The following CACNA2D3 variants were observed in gnomAD, a reference collection of about 807,000 sequenced individuals.
CACNA2D3 encodes calcium voltage-gated channel auxiliary subunit alpha2delta 3.
CACNA2D3 carries 60 observed loss-of-function variants against 160.6 expected under a neutral mutation model. The ratio of observed to expected loss-of-function variants is 0.37; its 90% CI spans 0.30 to 0.46. The LOEUF (loss-of-function observed/expected upper bound fraction) is 0.46, where lower values mean the gene tolerates loss of function less well. Among genes scored for constraint, CACNA2D3 ranks in the 20% least tolerant of loss-of-function variants. CACNA2D3 has a pLI of 1.00. For synonymous variants in CACNA2D3, 558 were observed against 492.9 expected (o/e 1.13, Z -1.75); for missense variants, 1,205 against 1,365.0 (o/e 0.88, Z 1.85).
intron 3 of CACNA2D3, among the ~76,000 whole-genome samples, chr3:54,327,428 G>T (rs899527763): frequency 6.6e-6 from 1 of 152,158 alleles, no homozygotes; most frequent in Non-Finnish European, 1.5e-5. Flanking sequence ...GCTTATTCTG[G>T]GGGTGTTGGC....
intron 4 of CACNA2D3, among the ~76,000 whole-genome samples, chr3:54,495,897 C>T (rs946532346): frequency 3.3e-5 from 5 of 152,176 alleles, no homozygotes; most frequent in Middle Eastern, 3.2e-3. Flanking sequence ...ATTAGAACTT[C>T]GTATGTATGA....
chr3:54,692,135 A>G (rs1700584009), intron 11 of CACNA2D3, among the ~76,000 whole-genome samples: 1 of 152,002 alleles, frequency 6.6e-6, no homozygotes, highest in African/African-American at 2.4e-5. Flanking sequence ...CACCATGCCC[A>G]GCTAATTTTT....
At chr3:54,336,063 A>G (rs1234355696) in intron 3 of CACNA2D3, among the ~76,000 whole-genome samples, 1 of 150,790 alleles carries the variant, frequency 6.6e-6, no homozygotes, top group African/African-American at 2.4e-5. Context: ...TTCCAACACT[A>G]CTATATCTCA....
intron 27 of CACNA2D3, among the ~76,000 whole-genome samples, chr3:54,966,333 G>A (rs1254598285): frequency 6.6e-6 from 1 of 152,174 alleles, no homozygotes; most frequent in East Asian, 1.9e-4. Context: ...TATTTGAAAT[G>A]CAGTCAACTA....
intron 27 of CACNA2D3, chr3:54,901,213 AG>A (rs1183350703): frequency 7.9e-5 from 12 of 152,320 alleles, no homozygotes; most frequent in Non-Finnish European, 1.6e-4. Context: ...CCGGGAGCTG[AG>A]GCCACATGCA....
chr3:54,176,322 G>T (rs991974122), intron 2 of CACNA2D3, among the ~76,000 whole-genome samples: 1 of 152,180 alleles, frequency 6.6e-6, no homozygotes, highest in Non-Finnish European at 1.5e-5. Flanking sequence ...GTTTAAGGAA[G>T]AAACAGTTCT....
Position 54,478,660 on chromosome 3 carries a change from G to GTGTATATATA in CACNA2D3, c.382-24831_382-24830insGTATATATAT. Among the ~76,000 whole-genome samples, 29 of 36,382 alleles carry GTGTATATATA rather than the reference G, an allele frequency of 8.0e-4. 3 individuals are homozygous for GTGTATATATA. The highest frequency in any genetic ancestry group is 2.1e-3 in the African/African-American group (29 of 13,874). 23.9% of individuals were successfully genotyped at this position (36,382 alleles called of 152,430 possible). A position where few individuals can be genotyped will look rare whatever the true frequency, so the allele number is the denominator to read the frequency against. ...AAAATATATATATAAATATGTGTGTGTATATATATATATATATATTGCTTG... is the reference window on the plus strand; with the variant it reads ...AAAATATATATATAAATATGTGTGTGTGTATATATATATATATATATATATATATTGCTTG... On this transcript the variant is annotated intron_variant, in intron 4 of 37. Transcript: ENST00000474759.
chr3:54,484,548 T>G (rs1445197411), intron 4 of CACNA2D3, among the ~76,000 whole-genome samples: 3 of 152,182 alleles, frequency 2.0e-5, no homozygotes, highest in Admixed American at 1.3e-4. Flanking sequence ...TTCCCCTAAT[T>G]AACATCCTGT....
At chr3:54,809,081 G>A (rs187702814) in intron 13 of CACNA2D3, among the ~76,000 whole-genome samples, 446 of 152,124 alleles carry the variant, frequency 2.9e-3, no homozygotes, top group Admixed American at 4.4e-3. Flanking sequence ...GTTCAGAGAC[G>A]CTATATTGTT....
At chr3:54,806,901 A>G (rs564800004) in intron 13 of CACNA2D3, among the ~76,000 whole-genome samples, 4 of 152,222 alleles carry the variant, frequency 2.6e-5, no homozygotes, top group Non-Finnish European at 4.4e-5. Context: ...ATAATGCTGC[A>G]TATCTACAAC....
rs146530468 is a variant in CACNA2D3, at chr3:54,485,597, C to T, written c.382-17895C>T. Among the ~76,000 whole-genome samples the T allele has an allele frequency of 2.6e-3, 401 of 151,370 alleles. 3 individuals are homozygous for T. Among genetic ancestry groups the T allele is most frequent in the African/African-American group, 9.5e-3 (392 of 41,250 alleles). On this transcript the variant is annotated intron_variant, in intron 4 of 37. Transcript: ENST00000474759. The stretch of plus-strand genomic sequence containing the variant: ...TTTTTTTTTTTTGAGACAGAGTTGC[C>T]CTGTCATCCAGGCTGGAGTGCAGTT...
intron 4 of CACNA2D3, among the ~76,000 whole-genome samples, chr3:54,416,791 A>G (rs548955974): frequency 6.6e-6 from 1 of 152,350 alleles, no homozygotes; most frequent in East Asian, 1.9e-4. Context: ...ATATAACTAT[A>G]CAATTAATTA....
intron 5 of CACNA2D3, among the ~76,000 whole-genome samples, chr3:54,533,096 C>T (rs1407371983): frequency 6.6e-6 from 1 of 152,140 alleles, no homozygotes; most frequent in African/African-American, 2.4e-5. Flanking sequence ...ACTTGCCCTC[C>T]TACCTGCCTG....
intron 34 of CACNA2D3, among the ~76,000 whole-genome samples, chr3:55,010,879 C>G (rs75604084): frequency 0.037 from 5,663 of 152,304 alleles, 159 homozygotes; most frequent in Middle Eastern, 0.085. Context: ...GTGTTTTACA[C>G]TAACCTAGAA....
chr3:54,512,749 C>T (rs1285695273), intron 5 of CACNA2D3, among the ~76,000 whole-genome samples: 3 of 152,132 alleles, frequency 2.0e-5, no homozygotes, highest in African/African-American at 7.2e-5. Context: ...CACTTTGCTC[C>T]CAGGAAGCTT....
intron 3 of CACNA2D3, among the ~76,000 whole-genome samples, chr3:54,362,312 G>A (rs1355233402): frequency 6.6e-6 from 1 of 152,162 alleles, no homozygotes; most frequent in Non-Finnish European, 1.5e-5. Flanking sequence ...ATAGGACTGG[G>A]GTCCCCATTT....
intron 10 of CACNA2D3, among the ~76,000 whole-genome samples, chr3:54,631,362 T>C (rs17054233): frequency 0.012 from 1,794 of 152,312 alleles, 114 homozygotes; most frequent in Admixed American, 0.1. Flanking sequence ...AGCTTTTAAA[T>C]AGCTAAACTC....
chr3:54,441,564 G>A (rs1243052568), intron 4 of CACNA2D3, among the ~76,000 whole-genome samples: 1 of 152,188 alleles, frequency 6.6e-6, no homozygotes, highest in Non-Finnish European at 1.5e-5. Flanking sequence ...CCTTGCCCAT[G>A]CCTATGTCCT....
chr3:54,578,509 G>T (rs985083250), intron 8 of CACNA2D3, among the ~76,000 whole-genome samples: 1 of 152,246 alleles, frequency 6.6e-6, no homozygotes, highest in African/African-American at 2.4e-5. Flanking sequence ...GAGCCGTTGG[G>T]TAGTGAGAGG....
Sources: allele counts gnomAD v4.1 joint callset (sites outside exome capture counted in the v4.1 genomes callset), GRCh38; gene constraint gnomAD v4.1.1; transcripts MANE v1.5; gene names NCBI Gene and HGNC (gene_info 2026-07-23, HGNC 2026-07-21).